The following NRG1 variants were observed in gnomAD, a reference collection of about 807,000 sequenced individuals.
NRG1 encodes the protein neuregulin 1, also known as pro-neuregulin-1, membrane-bound isoform.
In NRG1, 18 loss-of-function variants were observed where a neutral mutation model predicts 63.8. That is an observed-to-expected ratio of 0.28 (90% CI 0.19 to 0.42). NRG1 has a LOEUF of 0.42. Ranked by LOEUF, NRG1 falls within the 10% of genes least tolerant of loss-of-function variation. The pLI is 1.00. For missense variants in NRG1, 762 were observed against 814.7 expected, an observed-to-expected ratio of 0.94 and a Z score of 0.79; for synonymous variants, 302 against 301.3, an observed-to-expected ratio of 1.00 and a Z score of -0.02.
At position 32,699,169 on chromosome 8, in the gene NRG1, G is replaced by T. The variant is rs543815256; in HGVS notation, c.503-28780G>T. Among the ~76,000 whole-genome samples, 16 of 152,340 alleles carry T rather than the reference G, an allele frequency of 1.1e-4. No individual in the cohort carries two copies. In the South Asian group the frequency reaches 3.1e-3, roughly 30 times the overall value. On this transcript the variant is annotated intron_variant, in intron 5 of 11. Transcript: ENST00000356819. ...TGGGTTCCCACTTCTTCAAAAGAGA[G>T]TGTGTTTGTTCCATGGCCAATTAGT...
chr8:31,707,024 TTTG>T (rs1811219566), intron 1 of NRG1, among the ~76,000 whole-genome samples: 2 of 152,058 alleles, frequency 1.3e-5, no homozygotes, highest in South Asian at 4.1e-4. Context: ...TGTTTTTTTG[TTTG>T]TTATTTTCTG....
chr8:32,110,170 G>A lies in NRG1; in HGVS notation c.37+470739G>A, dbSNP rs150488395. Among the ~76,000 whole-genome samples, 399 of 152,152 alleles carry A rather than the reference G, an allele frequency of 2.6e-3. 2 individuals are homozygous for A. Among genetic ancestry groups the A allele is most frequent in the African/African-American group, 9.2e-3 (380 of 41,506 alleles). On this transcript the variant is annotated intron_variant, in intron 1 of 10. Coordinates refer to the NRG1 transcript ENST00000519301. Reference sequence around the variant, plus strand: ...ATTAAGAGTGTATTTATCTAAGTGGGGGAAAAGAAAAACCTAAGTAAGACC... The same window carrying A: ...ATTAAGAGTGTATTTATCTAAGTGGAGGAAAAGAAAAACCTAAGTAAGACC...
intron 1 of NRG1, among the ~76,000 whole-genome samples, chr8:31,959,613 T>C (rs532731703): frequency 3.5e-4 from 54 of 152,254 alleles, no homozygotes; most frequent in East Asian, 1.4e-3. Flanking sequence ...TTCTAGCTCA[T>C]AGTTAATCTA....
intron 1 of NRG1, among the ~76,000 whole-genome samples, chr8:32,151,706 C>T (rs1452345459): frequency 6.6e-6 from 1 of 152,116 alleles, no homozygotes; most frequent in African/African-American, 2.4e-5. Context: ...GGGAACCTGG[C>T]AACAGAGAGG....
chr8:32,133,959 A>G (rs1430166268), intron 1 of NRG1, among the ~76,000 whole-genome samples: 2 of 152,168 alleles, frequency 1.3e-5, no homozygotes, highest in Non-Finnish European at 2.9e-5. Flanking sequence ...TTTGGAAAAC[A>G]TATATTAGCT....
chr8:32,388,215 G>A (rs1449826888), intron 1 of NRG1, among the ~76,000 whole-genome samples: 1 of 152,158 alleles, frequency 6.6e-6, no homozygotes, highest in African/African-American at 2.4e-5. Flanking sequence ...ACTTTTAAGG[G>A]TTGTGAACTT....
exon 1 of NRG1, chr8:31,639,260 C>A: frequency 9.2e-7 from 1 of 1,087,572 alleles, no homozygotes; most frequent in Non-Finnish European, 1.3e-6. Context: ...GCCTCCGCAG[C>A]CCACTCGGAC....
chr8:32,558,728 A>G (rs1486754500), intron 1 of NRG1, among the ~76,000 whole-genome samples: 1 of 152,114 alleles, frequency 6.6e-6, no homozygotes, highest in African/African-American at 2.4e-5. Context: ...GTGTCTGTGC[A>G]TTTCATCCAC....
At chr8:32,420,767 A>G (rs1200094840) in intron 1 of NRG1, among the ~76,000 whole-genome samples, 4 of 152,080 alleles carry the variant, frequency 2.6e-5, no homozygotes, top group African/African-American at 9.7e-5. Flanking sequence ...TCCCACTGAT[A>G]TGGTTTGGCT....
At chr8:32,614,371 G>A in intron 3 of NRG1, 143 bp from the exon 4 acceptor site, 1 of 645,872 alleles carries the variant, frequency 1.5e-6, no homozygotes. Flanking sequence ...CTCACTCTCT[G>A]TATGGTTAAA....
chr8:32,619,434 A>C (rs1189618883), intron 5 of NRG1, among the ~76,000 whole-genome samples: 2 of 152,162 alleles, frequency 1.3e-5, no homozygotes, highest in Non-Finnish European at 1.5e-5. Context: ...CTTGTAGGCC[A>C]TTGTCAGGAC....
chr8:32,162,955 G>T (rs769138167), intron 1 of NRG1, among the ~76,000 whole-genome samples: 1 of 152,166 alleles, frequency 6.6e-6, no homozygotes, highest in Non-Finnish European at 1.5e-5. Context: ...TTCCTCTATG[G>T]TGTCTCCTGA....
At chr8:32,382,997 G>A (rs1810539177) in intron 1 of NRG1, among the ~76,000 whole-genome samples, 1 of 151,890 alleles carries the variant, frequency 6.6e-6, no homozygotes, top group Admixed American at 6.6e-5. Context: ...TGAGGCAGGA[G>A]GATCATTTGA....
At chr8:32,303,912 T>C (rs11990070) in intron 1 of NRG1, among the ~76,000 whole-genome samples, 73 of 152,354 alleles carry the variant, frequency 4.8e-4, no homozygotes, top group African/African-American at 1.6e-3. Context: ...AAATAAATGT[T>C]GATAGTCTCT....
chr8:32,290,328 A>T (rs1854041817), intron 1 of NRG1, among the ~76,000 whole-genome samples: 1 of 152,184 alleles, frequency 6.6e-6, no homozygotes, highest in East Asian at 1.9e-4. Context: ...AAATGAAATA[A>T]TTATGTATAC....
intron 1 of NRG1, among the ~76,000 whole-genome samples, chr8:32,558,983 A>T (rs1466903145): frequency 6.8e-6 from 1 of 147,178 alleles, no homozygotes; most frequent in Non-Finnish European, 1.5e-5. Context: ...GGAGGGTGAG[A>T]TGGGAGGATC....
chr8:31,659,759 C>A (rs1182366471), intron 1 of NRG1, among the ~76,000 whole-genome samples: 1 of 152,178 alleles, frequency 6.6e-6, no homozygotes, highest in Non-Finnish European at 1.5e-5. Context: ...TCTGTGGAAC[C>A]AGGCTGAGAG....
intron 5 of NRG1, among the ~76,000 whole-genome samples, chr8:32,659,305 G>T (rs941857679): frequency 2.6e-5 from 4 of 151,934 alleles, no homozygotes; most frequent in Admixed American, 6.6e-5. Flanking sequence ...ATCATGCCTG[G>T]CTAAGTTTTT....
chr8:32,734,469 C>T (rs1370988106), intron 6 of NRG1, among the ~76,000 whole-genome samples: 2 of 152,142 alleles, frequency 1.3e-5, no homozygotes, highest in Non-Finnish European at 2.9e-5. Flanking sequence ...GCTGCTAACA[C>T]CAATACCAGC....
Sources: allele counts gnomAD v4.1 joint callset (sites outside exome capture counted in the v4.1 genomes callset), GRCh38; gene constraint gnomAD v4.1.1; transcripts MANE v1.5; gene names NCBI Gene and HGNC (gene_info 2026-07-23, HGNC 2026-07-21).